C1orf198: variants seen among roughly 807,000 people sequenced by gnomAD.
C1orf198 encodes the protein chromosome 1 open reading frame 198.
A neutral mutation model predicts 31.4 loss-of-function variants in C1orf198; 17 were observed. The observed-to-expected ratio is 0.54, with a 90% CI of 0.37 to 0.81. The LOEUF is 0.81. Among genes scored for constraint, C1orf198 ranks in the 40% least tolerant of loss-of-function variants. The pLI is 0.00. For missense variants in C1orf198, 401 were observed against 450.3 expected (o/e 0.89, Z 0.99); for synonymous variants, 175 against 193.8 (o/e 0.90, Z 0.81).
chr1:230,847,102 CAAAAAAAAAAAA>C (rs71179741), intron 2 of C1orf198, among the ~76,000 whole-genome samples: 8 of 69,692 alleles, frequency 1.1e-4, no homozygotes, highest in African/African-American at 3.9e-4. Context: ...GACTCCGTCT[CAAAAAAAAAAAA>C]AAAAAAAAAA....
chr1:230,867,424 C>G (rs1472776927), intron 1 of C1orf198, among the ~76,000 whole-genome samples: 1 of 152,190 alleles, frequency 6.6e-6, no homozygotes, highest in Non-Finnish European at 1.5e-5. Context: ...GCAGTCTGGA[C>G]AGTGTCTAGA....
chr1:230,852,934 G>T (rs1274096392), intron 2 of C1orf198, among the ~76,000 whole-genome samples: 1 of 152,134 alleles, frequency 6.6e-6, no homozygotes, highest in East Asian at 1.9e-4. Context: ...CTATGCAATT[G>T]CCCAGCCTAA....
intron 2 of C1orf198, among the ~76,000 whole-genome samples, chr1:230,849,957 C>T (rs1483038294): frequency 3.3e-5 from 5 of 152,142 alleles, no homozygotes; most frequent in Admixed American, 2.6e-4. Flanking sequence ...AGAGACGGGG[C>T]GTGAACGTAA....
Position 230,846,516 on chromosome 1 carries a change from G to A in C1orf198, c.385-2620C>T, listed in dbSNP as rs560033612. Among the ~76,000 whole-genome samples, 3 of 152,344 alleles carry A rather than the reference G, an allele frequency of 2.0e-5. No homozygotes were observed. The South Asian group carries it at 6.2e-4, about 32-fold the overall frequency. ...AGTGCAGGTCCTATACATAGAGAGCGGCACATGCTCTCTGAGTCTGAGATT... is the reference window on the plus strand; with the variant it reads ...AGTGCAGGTCCTATACATAGAGAGCAGCACATGCTCTCTGAGTCTGAGATT... On this transcript the variant is annotated intron_variant, in intron 2 of 3. Transcript: ENST00000366663.
chr1:230,850,086 T>G (rs1225375164), intron 2 of C1orf198, among the ~76,000 whole-genome samples: 1 of 152,134 alleles, frequency 6.6e-6, no homozygotes, highest in Non-Finnish European at 1.5e-5. Context: ...TTGTCAAGGT[T>G]AAGGGACAAA....
Position 230,839,843 on chromosome 1 carries a change from T to C in C1orf198, c.*9A>G, listed in dbSNP as rs1333501832. The C allele has an allele frequency of 6.2e-7, 1 of 1,609,484 alleles. No homozygotes were observed. The highest frequency in any genetic ancestry group is 1.3e-5 in the African/African-American group (1 of 74,910). ...TTTAGGGTTCTTCATTGTATTTTTC[T>C]AATACATTTTACCAATTGTCCAGAA... On this transcript the variant is annotated 3_prime_UTR_variant, in exon 4 of 4. Coordinates refer to ENST00000366663, the MANE Select transcript of C1orf198 (RefSeq NM_032800.3).
At position 230,838,129 on chromosome 1, in the gene C1orf198, T is replaced by C. The variant is rs1320924894; in HGVS notation, c.*1723A>G. ...ATTCTGAGGATCCCTGTGTGAACAG[T>C]GCCGTTAGCCCTGAGGGGAGCTGGC... is the stretch of plus-strand genomic sequence containing the variant. On this transcript the variant is annotated 3_prime_UTR_variant, in exon 4 of 4. Coordinates refer to ENST00000366663, the MANE Select transcript of C1orf198 (RefSeq NM_032800.3). This position sits in a 1 kb window ranked among gnomAD's most constrained non-coding sequence, Gnocchi z 4.2. 1 of 152,242 alleles carries C rather than the reference T, an allele frequency of 6.6e-6. No individual in the cohort carries two copies. Among genetic ancestry groups the C allele is most frequent in the Non-Finnish European group, 1.5e-5 (1 of 68,044 alleles). The allele number at this position is 152,242 out of a possible 1,614,324, so 9.4% of individuals were successfully genotyped here.
In C1orf198 at chr1:230,838,150, C is replaced by T. The variant is rs1295837925; in HGVS notation, c.*1702G>A. On this transcript the variant is annotated 3_prime_UTR_variant, in exon 4 of 4. Coordinates refer to ENST00000366663, the MANE Select transcript of C1orf198 (RefSeq NM_032800.3). The surrounding 1 kb of genome is among the most constrained non-coding windows in gnomAD (Gnocchi z 4.2). ...ACAGTGCCGTTAGCCCTGAGGGGAG[C>T]TGGCGCTTGCCCAGGCTGTGCCAAC... 6.6e-6 allele frequency: 1 copy of T among 152,274 alleles called. No homozygotes were observed. The highest frequency in any genetic ancestry group is 1.5e-5 in the Non-Finnish European group (1 of 68,062). The allele number at this position is 152,274 out of a possible 1,614,324, so 9.4% of individuals were successfully genotyped here.
At chr1:230,864,917 A>T (rs1393648244) in intron 1 of C1orf198, among the ~76,000 whole-genome samples, 1 of 152,230 alleles carries the variant, frequency 6.6e-6, no homozygotes, top group Non-Finnish European at 1.5e-5. Flanking sequence ...AGAAGCAAAC[A>T]GGGTGATCCC....
At position 230,865,297 on chromosome 1, in the gene C1orf198, G is replaced by C. The variant is rs1054637856; in HGVS notation, c.333+2883C>G. On this transcript the variant is annotated intron_variant, in intron 1 of 3. Coordinates refer to ENST00000366663, the MANE Select transcript of C1orf198 (RefSeq NM_032800.3). ...TTGCTGGTTGAGAAGCGTTCTTCCA[G>C]CAGCAGCTCCAGATTCTCCACAAAA... Among the ~76,000 whole-genome samples, 7 of 152,330 alleles carry C rather than the reference G, an allele frequency of 4.6e-5. No individual in the cohort carries two copies. In the East Asian group the frequency reaches 1.4e-3, roughly 29 times the overall value.
chr1:230,858,154 G>C (rs903596713), intron 1 of C1orf198, among the ~76,000 whole-genome samples: 1 of 152,196 alleles, frequency 6.6e-6, no homozygotes, highest in Non-Finnish European at 1.5e-5. Flanking sequence ...TCTCCTAGCA[G>C]AGGCAGAGGG....
Sources: gnomAD v4.1 joint callset for allele counts (sites outside exome capture counted in the v4.1 genomes callset) on GRCh38, gnomAD v4.1.1 for gene constraint, Gnocchi (gnomAD v3.1) non-coding constraint, MANE v1.5 for transcripts, NCBI Gene and HGNC (gene_info 2026-07-23, HGNC 2026-07-21) for gene names.